FBF1: variants seen among roughly 807,000 people sequenced by gnomAD.
FBF1 encodes Fas binding factor 1.
In FBF1, 119 loss-of-function variants were observed where a neutral mutation model predicts 147.2. The observed-to-expected ratio is 0.81, with a 90% CI of 0.70 to 0.94. The LOEUF (loss-of-function observed/expected upper bound fraction) is 0.94. FBF1 is among the 40% of genes least tolerant of loss of function. The pLI is 0.00. For missense variants in FBF1, 1,449 were observed against 1,500.8 expected (o/e 0.97, Z 0.57); for synonymous variants, 601 against 609.0 (o/e 0.99, Z 0.19).
intron 23 of FBF1, 51 bp from the exon 24 acceptor site, chr17:75,915,190 C>G: frequency 6.4e-7 from 1 of 1,562,184 alleles, no homozygotes. Context: ...CTGAGGATCA[C>G]GCCTGGCCAC....
intron 9 of FBF1, 127 bp downstream of exon 9, chr17:75,927,328 A>T: frequency 1.4e-6 from 1 of 730,262 alleles, no homozygotes; most frequent in Non-Finnish European, 2.3e-6. Context: ...ACATGAATTC[A>T]CGAGGAAGTA....
chr17:75,919,988 G>C lies in FBF1; in HGVS notation c.1931+19C>G. On this transcript the variant is annotated intron_variant, in intron 19 of 29. Coordinates refer to ENST00000636174, the MANE Select transcript of FBF1 (RefSeq NM_001319193.2). This position sits in a 1 kb window ranked among gnomAD's most constrained non-coding sequence, Gnocchi z 5.0. ...TCAGTGTGAGATCCAAGGCAGAGCT[G>C]GGGCCAGCGCCAGGGTACCTGTGTG... The C allele has an allele frequency of 6.2e-7, 1 of 1,608,972 alleles. No homozygotes were observed. The highest frequency in any genetic ancestry group is 8.5e-7 in the Non-Finnish European group (1 of 1,177,318).
Position 75,913,567 on chromosome 17 carries a change from T to A in FBF1, c.3247+135A>T, listed in dbSNP as rs573379243. ...ATCTAAAATTAACACACATTATTTG[T>A]GTAAAAAAGAAATAAGGCGACTATA... On this transcript the variant is annotated intron_variant, in intron 28 of 29. Transcript: ENST00000636174. 8.6e-6 allele frequency: 5 copies of A among 583,956 alleles called. No homozygotes were observed. The South Asian group carries it at 1.3e-4, about 16-fold the overall frequency. The allele number at this position is 583,956 out of a possible 1,614,324, so 36.2% of individuals were successfully genotyped here.
intron 4 of FBF1, 63 bp downstream of exon 4, chr17:75,935,569 T>C: frequency 6.8e-7 from 1 of 1,478,234 alleles, no homozygotes; most frequent in Non-Finnish European, 9.1e-7. Context: ...CTGGGCAACA[T>C]AGTAAGAAAA....
chr17:75,919,718 G>A lies in FBF1; in HGVS notation c.2088C>T (p.Ala696=). The A allele has an allele frequency of 6.2e-7, 1 of 1,612,802 alleles. No homozygotes were observed. Among genetic ancestry groups the A allele is most frequent in the Non-Finnish European group, 8.5e-7 (1 of 1,179,774 alleles). Residue 696 remains alanine (A), a synonymous_variant, in exon 20 of 30, where the codon GCC becomes GCT. Coordinates refer to ENST00000636174, the MANE Select transcript of FBF1 (RefSeq NM_001319193.2). This position sits in a 1 kb window ranked among gnomAD's most constrained non-coding sequence, Gnocchi z 5.0. ...TTTCCTGGTCCTTCTCCTGCGCTAT[G>A]GCCGCCAAGCGCCGCTGGTGCTGGG... ...LTAQHQRRLA[A]IAQEKDQEME... is the part of the protein sequence containing the mutation.
At position 75,925,333 on chromosome 17, in the gene FBF1, C is replaced by A; in HGVS notation, c.968+14G>T. ...CTGTCTCAAGAGGCCAAGCCTCCTG[C>A]AGGCCCCACTTACCTGACAGACTGC... is the stretch of plus-strand genomic sequence containing the variant. On this transcript the variant is annotated intron_variant, in intron 13 of 29. Transcript: ENST00000636174. This position sits in a 1 kb window ranked among gnomAD's most constrained non-coding sequence, Gnocchi z 5.0. 6.2e-7 allele frequency: 1 copy of A among 1,606,778 alleles called. No individual in the cohort carries two copies. Among genetic ancestry groups the A allele is most frequent in the Non-Finnish European group, 8.5e-7 (1 of 1,175,650 alleles).
chr17:75,930,115 G>A (rs2065585705), intron 6 of FBF1, 68 bp from the exon 7 acceptor site: 3 of 1,290,872 alleles, frequency 2.3e-6, no homozygotes, highest in Non-Finnish European at 3.3e-6. Context: ...TAAAACTCAG[G>A]GTCCTGGCCC....
rs1001522701 is a variant in FBF1 at position 75,941,005 on chromosome 17, C to T, written c.-241G>A. On this transcript the variant is annotated 5_prime_UTR_variant, in exon 1 of 30. Coordinates refer to ENST00000636174, the MANE Select transcript of FBF1 (RefSeq NM_001319193.2). ...GTCGCCCAGCCCGGCCAGGACTGGC[C>T]TCCCGCTTCCAGCCGCTGCCGGCAC... 6.6e-6 allele frequency: 1 copy of T among 152,242 alleles called. No homozygotes were observed. The highest frequency in any genetic ancestry group is 2.4e-5 in the African/African-American group (1 of 41,458). 9.4% of individuals were successfully genotyped at this position (152,242 alleles called of 1,614,324 possible).
At position 75,913,512 on chromosome 17, in the gene FBF1, T is replaced by C; in HGVS notation, c.3247+190A>G. ...CCAGAGTTACAAAAAGGTGACATTT[T>C]TCATAATAGTGTTCCTCTATTTCTG... On this transcript the variant is annotated intron_variant, in intron 28 of 29. Transcript: ENST00000636174. The C allele has an allele frequency of 6.3e-6, 3 of 476,054 alleles. 1 individual carries two copies. The South Asian group carries it at 1.4e-4, about 22-fold the overall frequency. The allele number at this position is 476,054 out of a possible 1,614,324, so 29.5% of individuals were successfully genotyped here. A position where few individuals can be genotyped will look rare whatever the true frequency, so the allele number is the denominator to read the frequency against.
At chr17:75,924,563 C>T (rs2065548934) in intron 13 of FBF1, among the ~76,000 whole-genome samples, 4 of 152,080 alleles carry the variant, frequency 2.6e-5, no homozygotes, top group Admixed American at 2.6e-4. Flanking sequence ...CCACAACTTC[C>T]GCCTCTAGGA....
intron 3 of FBF1, 113 bp from the exon 4 acceptor site, chr17:75,935,786 A>G: frequency 1.0e-6 from 1 of 972,476 alleles, no homozygotes; most frequent in South Asian, 1.7e-5. Flanking sequence ...GTTGGGACTT[A>G]GGCTTAGCTC....
chr17:75,922,061 C>A lies in FBF1; in HGVS notation c.1425-15G>T. ...TGAGAGGTTGGCTGAGGAAAGGCAG[C>A]GTTCAAGGTGAAGGTGACAGAAGGC... On this transcript the variant is annotated splice_polypyrimidine_tract_variant and intron_variant, in intron 14 of 29. Transcript: ENST00000636174. The surrounding 1 kb of genome is among the most constrained non-coding windows in gnomAD (Gnocchi z 5.0). The A allele has an allele frequency of 1.3e-6, 2 of 1,550,430 alleles. No individual in the cohort carries two copies. Among genetic ancestry groups the A allele is most frequent in the Non-Finnish European group, 1.7e-6 (2 of 1,145,898 alleles).
intron 1 of FBF1, among the ~76,000 whole-genome samples, chr17:75,938,477 A>G (rs1045120214): frequency 7.0e-6 from 1 of 143,512 alleles, no homozygotes; most frequent in African/African-American, 2.7e-5. Flanking sequence ...ACTCGTTTGA[A>G]CCGGGGAGGT....
chr17:75,921,835 C>G (rs577759624), intron 15 of FBF1, 110 bp downstream of exon 15: 4 of 1,015,332 alleles, frequency 3.9e-6, no homozygotes, highest in Non-Finnish European at 5.8e-6. Flanking sequence ...GTGTGGGACA[C>G]GGGGACGGGG....
chr17:75,929,581 T>C (rs1036953439), intron 7 of FBF1, among the ~76,000 whole-genome samples: 1 of 152,100 alleles, frequency 6.6e-6, no homozygotes, highest in African/African-American at 2.4e-5. Context: ...ATTGCAAAGA[T>C]TGGCGCTGGG....
Position 75,925,128 on chromosome 17 carries a change from T to C in FBF1, c.968+219A>G, listed in dbSNP as rs530565151. Among the ~76,000 whole-genome samples the C allele has an allele frequency of 5.9e-5, 9 of 152,312 alleles. No homozygotes were observed. The highest frequency in any genetic ancestry group is 1.9e-4 in the African/African-American group (8 of 41,576). The stretch of plus-strand genomic sequence containing the variant: ...GGCACTGGCGAACCTGAGCAGCGTC[T>C]GGGATGGGGGTTCCCACTGGGGCCA... On this transcript the variant is annotated intron_variant, in intron 13 of 29. Transcript: ENST00000636174. The surrounding 1 kb of genome is among the most constrained non-coding windows in gnomAD (Gnocchi z 5.0).
rs567792732 is a variant in FBF1, at chr17:75,921,625, G to A, written c.1527-65C>T. The A allele has an allele frequency of 2.3e-6, 3 of 1,307,214 alleles. No individual in the cohort carries two copies. In the African/African-American group the frequency reaches 4.5e-5, roughly 20 times the overall value. 81.0% of individuals were successfully genotyped at this position (1,307,214 alleles called of 1,614,324 possible). A position where few individuals can be genotyped will look rare whatever the true frequency, so the allele number is the denominator to read the frequency against. ...GTGGGACACGGGGACGGGGCAGGGT[G>A]GGCAGCCTCTAGGTGGGACATGGGG... On this transcript the variant is annotated intron_variant, in intron 15 of 29. Coordinates refer to ENST00000636174, the MANE Select transcript of FBF1 (RefSeq NM_001319193.2).
rs2065554967 is a variant in FBF1, at chr17:75,925,535, G to C, written c.869-89C>G. 1 of 1,134,428 alleles carries C rather than the reference G, an allele frequency of 8.8e-7. No individual in the cohort carries two copies. Among genetic ancestry groups the C allele is most frequent in the South Asian group, 1.4e-5 (1 of 69,262 alleles). 70.3% of individuals were successfully genotyped at this position (1,134,428 alleles called of 1,614,324 possible). A position where few individuals can be genotyped will look rare whatever the true frequency, so the allele number is the denominator to read the frequency against. ...AAAATTCTAACAAAAGCTGAATTTG[G>C]TAGCTTGTTGTGTAAGACAAGCAGA... On this transcript the variant is annotated intron_variant, in intron 12 of 29. Coordinates refer to ENST00000636174, the MANE Select transcript of FBF1 (RefSeq NM_001319193.2). This position sits in a 1 kb window ranked among gnomAD's most constrained non-coding sequence, Gnocchi z 5.0.
Position 75,913,811 on chromosome 17 carries a change from C to T in FBF1, c.3138G>A (p.Leu1046=), listed in dbSNP as rs779415551. The T allele has an allele frequency of 6.2e-7, 1 of 1,603,946 alleles. No individual in the cohort carries two copies. The highest frequency in any genetic ancestry group is 8.5e-7 in the Non-Finnish European group (1 of 1,178,200). ...KQEQHMHQEH[L]SLAQQRLQLD... The stretch of plus-strand genomic sequence containing the variant: ...GTTGCAGCCTCTGCTGGGCCAGACT[C>T]AGATGCTCCTGTCCCCGTTCCCCCA... Residue 1046 remains leucine, a synonymous_variant, in exon 28 of 30, where the codon CTG becomes CTA. Coordinates refer to ENST00000636174, the MANE Select transcript of FBF1 (RefSeq NM_001319193.2).
Sources: allele counts gnomAD v4.1 joint callset (sites outside exome capture counted in the v4.1 genomes callset), GRCh38; gene constraint gnomAD v4.1.1; non-coding constraint Gnocchi (gnomAD v3.1); transcripts MANE v1.5; gene names NCBI Gene and HGNC (gene_info 2026-07-23, HGNC 2026-07-21).